DNAH3: variants seen among roughly 807,000 people sequenced by gnomAD.
DNAH3 encodes the protein dynein axonemal heavy chain 3, also known as axonemal beta dynein heavy chain 3.
DNAH3 carries 332 observed loss-of-function variants against 432.5 expected under a neutral mutation model. The observed-to-expected ratio is 0.77, with a 90% CI of 0.70 to 0.84. DNAH3 has a LOEUF of 0.84. Among genes scored for constraint, DNAH3 ranks in the 40% least tolerant of loss-of-function variants. The pLI is 0.00. For synonymous variants in DNAH3, 1,956 were observed against 1,900.2 expected (o/e 1.03, Z -0.76); for missense variants, 4,861 against 5,114.0 (o/e 0.95, Z 1.51).
intron 1 of DNAH3, among the ~76,000 whole-genome samples, chr16:21,156,268 G>A (rs1216902720): frequency 6.7e-6 from 1 of 149,106 alleles, no homozygotes; most frequent in African/African-American, 2.5e-5. Context: ...GTCTCACTTT[G>A]TTGCCCAGGC....
At chr16:20,997,422 C>T in exon 44 of DNAH3, 1 of 1,614,122 alleles carries the variant, frequency 6.2e-7, no homozygotes, top group African/African-American at 1.3e-5. Context: ...CGATGGGTGG[C>T]TGGGCCCCAT....
chr16:21,145,521 C>A, intron 2 of DNAH3, 115 bp from the exon 4 acceptor site: 1 of 819,230 alleles, frequency 1.2e-6, no homozygotes, highest in Non-Finnish European at 2.0e-6. Flanking sequence ...ATGTTTCTGC[C>A]TTCTGCACAT....
chr16:21,111,845 A>G (rs2092081425), intron 13 of DNAH3, 41 bp from the exon 14 acceptor site: 10 of 1,601,992 alleles, frequency 6.2e-6, no homozygotes, highest in South Asian at 1.1e-5. Context: ...TTTGCCCTTG[A>G]GCCTCTCCCA....
At chr16:20,955,079 C>G (rs577922491) in intron 54 of DNAH3, 22 bp from the exon 55 acceptor site, 6 of 1,570,916 alleles carry the variant, frequency 3.8e-6, no homozygotes, top group Middle Eastern at 1.7e-4. Flanking sequence ...ATGGACCCAA[C>G]GTTTTAGAGC....
intron 59 of DNAH3, among the ~76,000 whole-genome samples, chr16:20,938,333 C>T (rs539553878): frequency 6.6e-6 from 1 of 151,528 alleles, no homozygotes. Context: ...TGCAGTGAGC[C>T]GAGCTAAGAT....
intron 6 of DNAH3, among the ~76,000 whole-genome samples, chr16:21,135,874 T>TAA (rs200043852): frequency 7.2e-4 from 92 of 128,662 alleles, no homozygotes; most frequent in Middle Eastern, 4.1e-3. Flanking sequence ...ACCTTGTCGC[T>TAA]AAAAAAAAAA....
chr16:21,060,645 C>T lies in DNAH3; in HGVS notation c.3721-289G>A, dbSNP rs544388695. Among the ~76,000 whole-genome samples, 15 of 150,394 alleles carry T rather than the reference C, an allele frequency of 1.0e-4. No homozygotes were observed. In the South Asian group the frequency reaches 1.5e-3, roughly 15 times the overall value. ...GTTCAAGCGATTCTCCTGCCTCAGC[C>T]TCCCGAGTAGCTGGGATTACAGGCG... On this transcript the variant is annotated intron_variant, in intron 25 of 61. Coordinates refer to ENST00000261383, the Ensembl canonical transcript of DNAH3.
At chr16:21,149,642 AAGAC>A (rs2092828683) in intron 1 of DNAH3, among the ~76,000 whole-genome samples, 2 of 152,182 alleles carry the variant, frequency 1.3e-5, no homozygotes, top group African/African-American at 2.4e-5. Flanking sequence ...GTGGGGGACC[AAGAC>A]TCTATGTTTT....
chr16:21,067,512 C>G (rs2090597704), intron 23 of DNAH3, 93 bp from the exon 24 acceptor site: 2 of 1,382,734 alleles, frequency 1.4e-6, no homozygotes, highest in Non-Finnish European at 2.0e-6. Flanking sequence ...CAACTGACAG[C>G]ACTCCTTGTC....
chr16:20,946,412 G>A (rs566022241), intron 57 of DNAH3, among the ~76,000 whole-genome samples: 35 of 152,204 alleles, frequency 2.3e-4, no homozygotes, highest in African/African-American at 7.7e-4. Context: ...CTGATGCCTC[G>A]CGTCTCCCTA....
chr16:20,987,666 C>T (rs2086265566), intron 46 of DNAH3, 27 bp downstream of exon 46: 1 of 1,609,694 alleles, frequency 6.2e-7, no homozygotes, highest in Admixed American at 1.7e-5. Flanking sequence ...GCTGAATGAT[C>T]TTGGTAGTAA....
At chr16:20,964,846 G>A (rs779850068) in exon 53 of DNAH3, 3 of 1,614,116 alleles carry the variant, frequency 1.9e-6, no homozygotes, top group South Asian at 2.2e-5. Context: ...ATAATCCACT[G>A]TAAAAGCGCC....
intron 41 of DNAH3, among the ~76,000 whole-genome samples, chr16:21,004,238 A>G (rs1158932853): frequency 1.3e-5 from 2 of 152,234 alleles, no homozygotes; most frequent in African/African-American, 4.8e-5. Context: ...GGAGAATAGT[A>G]TAATAAACCG....
intron 41 of DNAH3, among the ~76,000 whole-genome samples, chr16:21,004,802 C>T (rs1007895963): frequency 6.6e-6 from 1 of 152,022 alleles, no homozygotes; most frequent in Admixed American, 6.6e-5. Flanking sequence ...TGATATCAGA[C>T]CATTTCAATT....
intron 36 of DNAH3, among the ~76,000 whole-genome samples, chr16:21,033,702 CT>C (rs1391298196): frequency 1.3e-5 from 2 of 152,192 alleles, no homozygotes; most frequent in Admixed American, 1.3e-4. Context: ...TTCTCTTTCA[CT>C]GGGGGACCTT....
intron 16 of DNAH3, among the ~76,000 whole-genome samples, chr16:21,100,142 G>T (rs1158642783): frequency 6.6e-6 from 1 of 152,028 alleles, no homozygotes; most frequent in African/African-American, 2.4e-5. Context: ...CACAATCTCG[G>T]CTCATTGTAA....
At position 21,125,166 on chromosome 16, in the gene DNAH3, C is replaced by T. The variant is rs1374794193; in HGVS notation, c.1404+9G>A. The T allele has an allele frequency of 6.9e-6, 11 of 1,589,698 alleles. No homozygotes were observed. In the East Asian group the frequency reaches 9.0e-5, roughly 13 times the overall value. Reference sequence around the variant, plus strand: ...CCTCAAAAGGTCCAAATGCAGGTCCCTGACTTACTTTGTGTATCATGAAAA... The same window carrying T: ...CCTCAAAAGGTCCAAATGCAGGTCCTTGACTTACTTTGTGTATCATGAAAA... On this transcript the variant is annotated intron_variant, in intron 9 of 61. Transcript: ENST00000261383.
intron 40 of DNAH3, among the ~76,000 whole-genome samples, chr16:21,021,234 C>A (rs1275434587): frequency 6.6e-6 from 1 of 152,178 alleles, no homozygotes; most frequent in Non-Finnish European, 1.5e-5. Context: ...GCTTTCAATT[C>A]TTTTTGGTTT....
intron 12 of DNAH3, 102 bp downstream of exon 12, chr16:21,117,101 G>T: frequency 1.4e-6 from 1 of 726,022 alleles, no homozygotes; most frequent in Non-Finnish European, 2.3e-6. Flanking sequence ...CTATGTATGT[G>T]TTCAGGTGTT....
Sources: allele counts gnomAD v4.1 joint callset (sites outside exome capture counted in the v4.1 genomes callset), GRCh38; gene constraint gnomAD v4.1.1; transcripts MANE v1.5; gene names NCBI Gene and HGNC (gene_info 2026-07-23, HGNC 2026-07-21).